SMARCC1: variants seen among roughly 807,000 people sequenced by gnomAD.
SMARCC1 encodes the protein SWI/SNF complex subunit SMARCC1.
SMARCC1 carries 43 observed loss-of-function variants against 147.4 expected under a neutral mutation model. That is an observed-to-expected ratio of 0.29 (90% CI 0.23 to 0.38). The LOEUF is 0.38. Ranked by LOEUF, SMARCC1 falls within the 10% of genes least tolerant of loss-of-function variation. SMARCC1 has a pLI of 1.00. For missense variants in SMARCC1, 1,119 were observed against 1,381.1 expected (o/e 0.81, Z 3.01); for synonymous variants, 495 against 484.4 (o/e 1.02, Z -0.29).
chr3:47,702,735 A>G (rs2033938885), intron 10 of SMARCC1, among the ~76,000 whole-genome samples: 1 of 152,170 alleles, frequency 6.6e-6, no homozygotes. Context: ...AGTAGCTGAG[A>G]CTATAGGTGC....
chr3:47,615,740 A>G lies in SMARCC1; in HGVS notation c.2782-5413T>C, dbSNP rs143333166. On this transcript the variant is annotated intron_variant, in intron 25 of 27. Transcript: ENST00000254480. ...CTCTTATTGCCCAGCCTAGAGTGCA[A>G]TGGCGCCATCACGGCTCACTGCAAC... 4.0e-3 allele frequency among the ~76,000 whole-genome samples: 608 copies of G among 152,072 alleles called. 4 individuals carry two copies. Among genetic ancestry groups the G allele is most frequent in the African/African-American group, 0.014 (587 of 41,460 alleles).
At chr3:47,696,634 T>C (rs1394046777) in intron 11 of SMARCC1, among the ~76,000 whole-genome samples, 2 of 151,726 alleles carry the variant, frequency 1.3e-5, no homozygotes, top group Non-Finnish European at 2.9e-5. Flanking sequence ...TTCTCCTGCC[T>C]CAGCCTCCTG....
intron 3 of SMARCC1, among the ~76,000 whole-genome samples, chr3:47,742,793 G>A (rs2034523793): frequency 6.6e-6 from 1 of 152,002 alleles, no homozygotes; most frequent in Non-Finnish European, 1.5e-5. Flanking sequence ...ACATTGCCTG[G>A]GCTGGGTTCA....
intron 26 of SMARCC1, among the ~76,000 whole-genome samples, chr3:47,609,721 A>C (rs1169833247): frequency 6.6e-6 from 1 of 152,364 alleles, no homozygotes; most frequent in East Asian, 1.9e-4. Context: ...TGTTGAAACC[A>C]GGTCATGGGA....
At position 47,746,004 on chromosome 3, in the gene SMARCC1, T is replaced by C. The variant is rs2034560488; in HGVS notation, c.316-11A>G. 2.0e-6 allele frequency: 3 copies of C among 1,535,026 alleles called. No individual in the cohort carries two copies. Among genetic ancestry groups the C allele is most frequent in the East Asian group, 2.3e-5 (1 of 43,156 alleles). On this transcript the variant is annotated splice_polypyrimidine_tract_variant and intron_variant, in intron 2 of 27. Transcript: ENST00000254480. ...CATGAAACACTTTGCCTAAAAATGA[T>C]ACAAATTACACATGAGAAAAATAAA...
rs762774696 is a variant in SMARCC1 at position 47,778,190 on chromosome 3, C to CAAAAAAAA, written c.195+3405_195+3412dup. Among the ~76,000 whole-genome samples, 40 of 52,920 alleles carry CAAAAAAAA rather than the reference C, an allele frequency of 7.6e-4. 1 individual carries two copies. Among genetic ancestry groups the CAAAAAAAA allele is most frequent in the African/African-American group, 3.8e-3 (40 of 10,422 alleles). 34.7% of individuals were successfully genotyped at this position (52,920 alleles called of 152,430 possible). On this transcript the variant is annotated intron_variant, in intron 1 of 27. Transcript: ENST00000254480. ...TGGGCAGAAGAGCGAGACTCCATCTCAAAAAAAAAAAACAAAAAACAAAAA... is the reference window on the plus strand; with the variant it reads ...TGGGCAGAAGAGCGAGACTCCATCTCAAAAAAAAAAAAAAAAAAAACAAAAAACAAAAA...
chr3:47,763,461 C>G (rs976647679), intron 2 of SMARCC1, among the ~76,000 whole-genome samples: 44 of 151,474 alleles, frequency 2.9e-4, no homozygotes, highest in African/African-American at 1.1e-3. Context: ...GTTCTGACAA[C>G]TGCTTTAAAA....
intron 12 of SMARCC1, 35 bp from the exon 13 acceptor site, chr3:47,689,459 C>T (rs1179987137): frequency 1.6e-5 from 26 of 1,579,988 alleles, no homozygotes; most frequent in Non-Finnish European, 2.2e-5. Flanking sequence ...ATTTTAAAAA[C>T]AGGTAAATGT....
intron 3 of SMARCC1, among the ~76,000 whole-genome samples, chr3:47,743,062 C>T (rs1335866139): frequency 6.6e-6 from 1 of 152,114 alleles, no homozygotes; most frequent in Non-Finnish European, 1.5e-5. Flanking sequence ...ATAGTGCTTG[C>T]CGTAATAACA....
intron 9 of SMARCC1, among the ~76,000 whole-genome samples, chr3:47,706,739 A>G (rs1308321258): frequency 1.3e-5 from 2 of 152,234 alleles, no homozygotes; most frequent in Non-Finnish European, 2.9e-5. Context: ...CAATGGAAAT[A>G]TCGGCTATCA....
chr3:47,631,973 T>C (rs1228209859), intron 24 of SMARCC1, among the ~76,000 whole-genome samples: 1 of 152,212 alleles, frequency 6.6e-6, no homozygotes, highest in Non-Finnish European at 1.5e-5. Flanking sequence ...TGAGCATTTG[T>C]ACACTTTCAT....
At chr3:47,664,015 TC>T (rs1410365282) in intron 19 of SMARCC1, 1 of 751,396 alleles carries the variant, frequency 1.3e-6, no homozygotes, top group East Asian at 2.8e-5. Flanking sequence ...TGGGACTTAC[TC>T]CCTCCTCTCC....
intron 1 of SMARCC1, among the ~76,000 whole-genome samples, chr3:47,779,460 T>G (rs2035016367): frequency 5.9e-5 from 9 of 152,182 alleles, no homozygotes; most frequent in Admixed American, 5.9e-4. Flanking sequence ...CTGAAAAGAT[T>G]CTGGCTGTCA....
chr3:47,775,922 C>G (rs1559670319), intron 1 of SMARCC1, among the ~76,000 whole-genome samples: 1 of 151,994 alleles, frequency 6.6e-6, no homozygotes, highest in Admixed American at 6.6e-5. Flanking sequence ...GCAAGGTGGA[C>G]AGATCACTTG....
At chr3:47,725,140 TACC>T (rs1380918171) in intron 6 of SMARCC1, among the ~76,000 whole-genome samples, 3 of 152,012 alleles carry the variant, frequency 2.0e-5, no homozygotes, top group East Asian at 3.9e-4. Context: ...ATGTGTTTTT[TACC>T]ACAATAAAAA....
intron 26 of SMARCC1, among the ~76,000 whole-genome samples, chr3:47,598,571 T>A (rs1313212441): frequency 6.6e-6 from 1 of 152,118 alleles, no homozygotes; most frequent in Admixed American, 6.6e-5. Context: ...GGCTCATGCC[T>A]GTAATCCCAG....
chr3:47,614,811 C>G lies in SMARCC1; in HGVS notation c.2782-4484G>C, dbSNP rs186055779. On this transcript the variant is annotated intron_variant, in intron 25 of 27. Coordinates refer to ENST00000254480, the MANE Select transcript of SMARCC1 (RefSeq NM_003074.4). The stretch of plus-strand genomic sequence containing the variant: ...TAAGGAAGATCACTTCAGTCCTCAA[C>G]TCAAGGTCCCGCAATTATTTCACAT... Among the ~76,000 whole-genome samples the G allele has an allele frequency of 7.7e-4, 117 of 152,324 alleles. 1 individual carries two copies. Among genetic ancestry groups the G allele is most frequent in the Non-Finnish European group, 7.9e-4 (54 of 68,028 alleles).
At chr3:47,728,813 A>T (rs766456966) in intron 6 of SMARCC1, among the ~76,000 whole-genome samples, 4 of 152,162 alleles carry the variant, frequency 2.6e-5, no homozygotes, top group Non-Finnish European at 5.9e-5. Flanking sequence ...CAGGAGGCTG[A>T]GTCAGGAGAA....
chr3:47,597,162 A>C (rs1013660218), intron 26 of SMARCC1, among the ~76,000 whole-genome samples: 11 of 151,522 alleles, frequency 7.3e-5, no homozygotes, highest in African/African-American at 2.7e-4. Context: ...AAAAAAAAAA[A>C]AAAAAAGAGA....
Sources: gnomAD v4.1 joint callset for allele counts (sites outside exome capture counted in the v4.1 genomes callset) on GRCh38, gnomAD v4.1.1 for gene constraint, MANE v1.5 for transcripts, NCBI Gene and HGNC (gene_info 2026-07-23, HGNC 2026-07-21) for gene names.